NCOR1: variants seen among roughly 807,000 people sequenced by gnomAD.
The protein encoded by NCOR1 is protein phosphatase 1, regulatory subunit 109.
A neutral mutation model predicts 288.1 loss-of-function variants in NCOR1; 63 were observed. The observed-to-expected ratio is 0.22, with a 90% confidence interval of 0.18 to 0.27. The LOEUF (loss-of-function observed/expected upper bound fraction) is 0.27, where lower values mean the gene tolerates loss of function less well. NCOR1 is among the 10% of genes least tolerant of loss of function. The pLI is 1.00. For missense variants in NCOR1, 2,397 were observed against 3,019.2 expected, an observed-to-expected ratio of 0.79 and a Z score of 4.83; for synonymous variants, 1,007 against 1,065.9, an observed-to-expected ratio of 0.94 and a Z score of 1.08.
At chr17:16,126,644 T>C (rs942963432) in intron 14 of NCOR1, among the ~76,000 whole-genome samples, 1 of 152,234 alleles carries the variant, frequency 6.6e-6, no homozygotes, top group Non-Finnish European at 1.5e-5. Context: ...CATGCATTTA[T>C]ACTTTTGAGC....
chr17:16,100,767 T>A (rs558158474), intron 20 of NCOR1, among the ~76,000 whole-genome samples: 24 of 152,374 alleles, frequency 1.6e-4, no homozygotes, highest in Admixed American at 4.6e-4. Flanking sequence ...GCATTTAAAT[T>A]ATGCTTTCTA....
chr17:16,129,015 T>G (rs1165108251), intron 14 of NCOR1, among the ~76,000 whole-genome samples: 1 of 152,224 alleles, frequency 6.6e-6, no homozygotes, highest in African/African-American at 2.4e-5. Flanking sequence ...AATGACTTCT[T>G]AAATATTCCC....
At chr17:16,130,320 A>C (rs932508771) in intron 14 of NCOR1, among the ~76,000 whole-genome samples, 1 of 152,248 alleles carries the variant, frequency 6.6e-6, no homozygotes, top group African/African-American at 2.4e-5. Flanking sequence ...CAAATCTGTA[A>C]AGAGAAGTGC....
intron 3 of NCOR1, among the ~76,000 whole-genome samples, chr17:16,186,073 T>C (rs901069146): frequency 4.6e-5 from 7 of 152,200 alleles, no homozygotes; most frequent in Admixed American, 1.3e-4. Flanking sequence ...ACAGAATATT[T>C]ACTATCAGTT....
At chr17:16,197,838 A>G (rs750369246) in intron 1 of NCOR1, among the ~76,000 whole-genome samples, 2 of 152,086 alleles carry the variant, frequency 1.3e-5, no homozygotes, top group African/African-American at 2.4e-5. Flanking sequence ...AATAAATATT[A>G]TATGTAGGAC....
rs370892698 is a variant in NCOR1 at position 16,038,428 on chromosome 17, T to C, written c.6955+1005A>G. On this transcript the variant is annotated intron_variant, in intron 44 of 45. Coordinates refer to ENST00000268712, the MANE Select transcript of NCOR1 (RefSeq NM_006311.4). ...GAACTGTTTCTTTTTCTTCCCTTTT[T>C]CCTACTCTTTTTTTTTTTCCTTTTT... Among the ~76,000 whole-genome samples, 1,280 of 134,894 alleles carry C rather than the reference T, an allele frequency of 9.5e-3. 17 individuals carry two copies. Among genetic ancestry groups the C allele is most frequent in the African/African-American group, 0.035 (1,232 of 35,254 alleles). 88.5% of individuals were successfully genotyped at this position (134,894 alleles called of 152,430 possible). A position where few individuals can be genotyped will look rare whatever the true frequency, so the allele number is the denominator to read the frequency against.
At chr17:16,043,711 C>G (rs2058145883) in intron 42 of NCOR1, among the ~76,000 whole-genome samples, 1 of 152,216 alleles carries the variant, frequency 6.6e-6, no homozygotes. Flanking sequence ...ATCTCAGTTC[C>G]TGGCTGCTCT....
intron 14 of NCOR1, among the ~76,000 whole-genome samples, chr17:16,127,624 T>TATAC (rs1244271036): frequency 6.8e-6 from 1 of 146,294 alleles, no homozygotes; most frequent in Non-Finnish European, 1.5e-5. Context: ...TATGTGTATA[T>TATAC]ATACATATAT....
intron 1 of NCOR1, among the ~76,000 whole-genome samples, chr17:16,212,554 G>A (rs1325254430): frequency 1.3e-5 from 2 of 152,130 alleles, no homozygotes; most frequent in African/African-American, 4.8e-5. Flanking sequence ...AACTAAATAT[G>A]CAAGAGTTCC....
intron 2 of NCOR1, among the ~76,000 whole-genome samples, chr17:16,188,479 C>T (rs1455566802): frequency 6.6e-6 from 1 of 151,482 alleles, no homozygotes; most frequent in East Asian, 2.0e-4. Flanking sequence ...GGCGTGGTGG[C>T]GTGCTCCTGT....
At position 16,171,873 on chromosome 17, in the gene NCOR1, A is replaced by C. The variant is rs750096551; in HGVS notation, c.365T>G (p.Val122Gly). ...CACTAAAGGCAAAACCGCAGCACTG[A>C]CACGCTGAAAATGAGAATCAGAAAC... is the stretch of plus-strand genomic sequence containing the variant. ...EQVSDSHFQR[V>G]SAAVLPLVHP... is the part of the protein sequence containing the mutation. Residue 122 changes from valine to glycine, a missense_variant, in exon 4 of 46, where the codon GTC (valine) becomes GGC (glycine). Val to Gly is a moderately radical substitution (Grantham distance 109). Coordinates refer to ENST00000268712, the MANE Select transcript of NCOR1 (RefSeq NM_006311.4). The C allele has an allele frequency of 1.2e-6, 2 of 1,613,500 alleles. No homozygotes were observed. The highest frequency in any genetic ancestry group is 1.7e-6 in the Non-Finnish European group (2 of 1,179,752).
At chr17:16,156,377 A>G (rs1335373783) in intron 6 of NCOR1, among the ~76,000 whole-genome samples, 2 of 151,616 alleles carry the variant, frequency 1.3e-5, no homozygotes, top group Non-Finnish European at 2.9e-5. Context: ...TGGAGGTTGC[A>G]GTGAGCTGAG....
In NCOR1 at chr17:16,179,374, T is replaced by C. The variant is rs2084911660; in HGVS notation, c.242+7180A>G. Among the ~76,000 whole-genome samples, 4 of 152,014 alleles carry C rather than the reference T, an allele frequency of 2.6e-5. No homozygotes were observed. In the South Asian group the frequency reaches 8.3e-4, roughly 31 times the overall value. ...AATAAATTGGATAACCTAGAGGAAA[T>C]GGATAAATTCCTAGAAAAACACAAC... is the stretch of plus-strand genomic sequence containing the variant. On this transcript the variant is annotated intron_variant, in intron 3 of 45. Transcript: ENST00000268712.
rs116324906 is a variant in NCOR1 at position 16,119,267 on chromosome 17, C to T, written c.1915+156G>A. 6.3e-3 allele frequency among the ~76,000 whole-genome samples: 966 copies of T among 152,268 alleles called. 16 individuals are homozygous for T. The highest frequency in any genetic ancestry group is 0.022 in the African/African-American group (898 of 41,566). ...TGGGGGTACTTTATTGGGTACCATA[C>T]TACCAGAAAAGAACTCTTAAAGTCA... On this transcript the variant is annotated intron_variant, in intron 17 of 45. Transcript: ENST00000268712.
intron 1 of NCOR1, among the ~76,000 whole-genome samples, chr17:16,214,774 G>C (rs913239498): frequency 6.6e-6 from 1 of 152,158 alleles, no homozygotes; most frequent in South Asian, 2.1e-4. Context: ...GTGCACTTAC[G>C]GACTTCGCTT....
At chr17:16,188,882 A>G (rs905927700) in intron 2 of NCOR1, among the ~76,000 whole-genome samples, 2 of 151,256 alleles carry the variant, frequency 1.3e-5, no homozygotes, top group Non-Finnish European at 3.0e-5. Flanking sequence ...AAAACTAGCC[A>G]GGCATGGTGG....
intron 26 of NCOR1, among the ~76,000 whole-genome samples, chr17:16,076,839 G>A (rs1285034306): frequency 2.6e-5 from 4 of 152,056 alleles, no homozygotes; most frequent in Admixed American, 1.3e-4. Context: ...TCCGAATCCC[G>A]GCAAAACCAT....
chr17:16,043,718 C>T (rs2058146506), intron 42 of NCOR1, among the ~76,000 whole-genome samples: 1 of 152,324 alleles, frequency 6.6e-6, no homozygotes, highest in African/African-American at 2.4e-5. Flanking sequence ...TTCCTGGCTG[C>T]TCTGAGATCT....
At chr17:16,145,022 G>A (rs1035839613) in intron 10 of NCOR1, among the ~76,000 whole-genome samples, 1 of 152,198 alleles carries the variant, frequency 6.6e-6, no homozygotes, top group African/African-American at 2.4e-5. Context: ...TGATTCTCCT[G>A]CCTCGTGCCT....
Sources: allele counts gnomAD v4.1 joint callset (sites outside exome capture counted in the v4.1 genomes callset), GRCh38; gene constraint gnomAD v4.1.1; transcripts MANE v1.5; gene names NCBI Gene and HGNC (gene_info 2026-07-23, HGNC 2026-07-21).